The following PTPRM variants were observed in gnomAD, a reference collection of about 807,000 sequenced individuals.
PTPRM encodes protein tyrosine phosphatase receptor type M, also known as receptor-type tyrosine-protein phosphatase mu.
PTPRM carries 47 observed loss-of-function variants against 186.7 expected under a neutral mutation model. The observed-to-expected ratio is 0.25, with a 90% CI of 0.20 to 0.32. The LOEUF is 0.32. PTPRM is among the 10% of genes least tolerant of loss of function. PTPRM has a pLI of 1.00. For synonymous variants in PTPRM, 668 were observed against 674.9 expected, an observed-to-expected ratio of 0.99 and a Z score of 0.16; for missense variants, 1,494 against 1,865.0, an observed-to-expected ratio of 0.80 and a Z score of 3.66.
At chr18:8,358,244 G>GACGCACAC (rs1555885322) in intron 23 of PTPRM, among the ~76,000 whole-genome samples, 2 of 82,208 alleles carry the variant, frequency 2.4e-5, no homozygotes, top group Non-Finnish European at 5.5e-5. Context: ...GTATGCACAT[G>GACGCACAC]ACACGCACAC....
At chr18:8,161,799 C>T (rs1275006473) in intron 14 of PTPRM, among the ~76,000 whole-genome samples, 1 of 152,152 alleles carries the variant, frequency 6.6e-6, no homozygotes, top group African/African-American at 2.4e-5. Context: ...CCCTGTGATG[C>T]ATGCAAATGG....
At chr18:7,969,602 A>G (rs1460145415) in intron 7 of PTPRM, among the ~76,000 whole-genome samples, 5 of 141,846 alleles carry the variant, frequency 3.5e-5, no homozygotes, top group African/African-American at 1.1e-4. Context: ...TCAAATAGAC[A>G]CAATAAAAAA....
intron 7 of PTPRM, among the ~76,000 whole-genome samples, chr18:7,982,522 T>TC (rs1387281938): frequency 6.8e-6 from 1 of 146,698 alleles, no homozygotes; most frequent in Non-Finnish European, 1.5e-5. Context: ...ACAGTTAACT[T>TC]TTTTTTTTTT....
At chr18:8,132,773 T>C (rs1211386948) in intron 13 of PTPRM, among the ~76,000 whole-genome samples, 3 of 152,206 alleles carry the variant, frequency 2.0e-5, no homozygotes, top group African/African-American at 7.2e-5. Context: ...TTGTTGGATA[T>C]ATATTTCACA....
At chr18:8,146,103 G>A (rs2092879698) in intron 14 of PTPRM, among the ~76,000 whole-genome samples, 2 of 145,624 alleles carry the variant, frequency 1.4e-5, no homozygotes, top group Non-Finnish European at 3.0e-5. Context: ...ATCCCAGCTC[G>A]CTGCAACCTC....
chr18:7,857,686 A>C (rs1223381371), intron 2 of PTPRM, among the ~76,000 whole-genome samples: 2 of 152,132 alleles, frequency 1.3e-5, no homozygotes, highest in Non-Finnish European at 2.9e-5. Flanking sequence ...CCAGGGACTC[A>C]GTCAGTTTCT....
At chr18:8,193,140 C>G (rs759447448) in intron 14 of PTPRM, among the ~76,000 whole-genome samples, 1 of 152,106 alleles carries the variant, frequency 6.6e-6, no homozygotes, top group Non-Finnish European at 1.5e-5. Context: ...ATATCTAAAA[C>G]TAAGTTGCAA....
intron 2 of PTPRM, among the ~76,000 whole-genome samples, chr18:7,809,536 G>T (rs914771329): frequency 6.6e-6 from 1 of 152,080 alleles, no homozygotes; most frequent in Non-Finnish European, 1.5e-5. Context: ...GGGTGCAGGG[G>T]AGGGGATAAC....
At chr18:8,175,266 ATAT>A (rs1163424419) in intron 14 of PTPRM, among the ~76,000 whole-genome samples, 1 of 152,232 alleles carries the variant, frequency 6.6e-6, no homozygotes, top group Non-Finnish European at 1.5e-5. Flanking sequence ...TTAATTTGTA[ATAT>A]TATTATTCAA....
chr18:8,078,393 G>A (rs1322946893), intron 9 of PTPRM, among the ~76,000 whole-genome samples: 2 of 152,196 alleles, frequency 1.3e-5, no homozygotes, highest in Admixed American at 1.3e-4. Flanking sequence ...ACAAAATCAC[G>A]CTAAGGAAAT....
At position 8,207,537 on chromosome 18, in the gene PTPRM, C is replaced by T. The variant is rs2093947875; in HGVS notation, c.2301-36521C>T. Among the ~76,000 whole-genome samples the T allele has an allele frequency of 2.0e-5, 3 of 152,048 alleles. No individual in the cohort carries two copies. In the South Asian group the frequency reaches 6.2e-4, roughly 32 times the overall value. On this transcript the variant is annotated intron_variant, in intron 14 of 32. Transcript: ENST00000580170. ...ATCCTGTGTTTTCAGGAAAAGAATTCATGACATAGAGAAATGATGAAATAA... is the reference window on the plus strand; with the variant it reads ...ATCCTGTGTTTTCAGGAAAAGAATTTATGACATAGAGAAATGATGAAATAA...
At chr18:8,374,580 A>G (rs2095684041) in intron 24 of PTPRM, among the ~76,000 whole-genome samples, 1 of 152,164 alleles carries the variant, frequency 6.6e-6, no homozygotes, top group Admixed American at 6.5e-5. Context: ...GGTTTTAGGG[A>G]TAAGGAATTT....
chr18:7,938,959 GTT>G, intron 5 of PTPRM, among the ~76,000 whole-genome samples: 1 of 152,244 alleles, frequency 6.6e-6, no homozygotes, highest in South Asian at 2.1e-4. Flanking sequence ...AAATATTTGG[GTT>G]AACTTGGTTG....
intron 31 of PTPRM, among the ~76,000 whole-genome samples, chr18:8,390,938 T>TAATAATAAG (rs2095807818): frequency 9.1e-6 from 1 of 109,338 alleles, no homozygotes; most frequent in African/African-American, 5.4e-5. Flanking sequence ...AAAAAGAAAA[T>TAATAATAAG]AATAATAATA....
At chr18:8,253,068 A>C (rs2094543271) in intron 18 of PTPRM, among the ~76,000 whole-genome samples, 159 bp from the exon 19 acceptor site, 1 of 152,112 alleles carries the variant, frequency 6.6e-6, no homozygotes, top group Non-Finnish European at 1.5e-5. Flanking sequence ...ACCCCATTTA[A>C]ATTTCTAAAC....
At chr18:7,752,332 T>G (rs1029279908) in intron 1 of PTPRM, among the ~76,000 whole-genome samples, 6 of 152,218 alleles carry the variant, frequency 3.9e-5, no homozygotes, top group African/African-American at 1.4e-4. Context: ...AAAGTATGTA[T>G]GCTAGGCCTC....
intron 2 of PTPRM, among the ~76,000 whole-genome samples, chr18:7,861,817 A>C (rs1377262930): frequency 6.6e-6 from 1 of 152,074 alleles, no homozygotes; most frequent in East Asian, 1.9e-4. Context: ...GGAAGCCAAA[A>C]TGCTAATATA....
At chr18:8,113,339 G>T (rs2091836361) in intron 11 of PTPRM, 147 bp from the exon 12 acceptor site, 1 of 675,086 alleles carries the variant, frequency 1.5e-6, no homozygotes, top group Admixed American at 2.9e-5. Context: ...AGTGCTGCAT[G>T]AGAGTCTGTT....
intron 1 of PTPRM, among the ~76,000 whole-genome samples, chr18:7,635,065 G>A (rs1236479108): frequency 6.6e-6 from 1 of 151,882 alleles, no homozygotes; most frequent in African/African-American, 2.4e-5. Flanking sequence ...GGCTTTCAGG[G>A]AAAATAATTA....
Sources: gnomAD v4.1 joint callset for allele counts (sites outside exome capture counted in the v4.1 genomes callset) on GRCh38, gnomAD v4.1.1 for gene constraint, MANE v1.5 for transcripts, NCBI Gene and HGNC (gene_info 2026-07-23, HGNC 2026-07-21) for gene names.